The following ISM1 variants were observed in gnomAD, a reference collection of about 807,000 sequenced individuals.
ISM1 encodes the protein isthmin-1.
Under a neutral mutation model 46.3 loss-of-function variants are expected in ISM1, and 25 were observed. That is an observed-to-expected ratio of 0.54 (90% CI 0.39 to 0.75). ISM1 has a LOEUF of 0.75. ISM1 is among the 30% of genes least tolerant of loss of function. ISM1 has a pLI of 0.00. For missense variants in ISM1, 536 were observed against 625.4 expected, an observed-to-expected ratio of 0.86 and a Z score of 1.52; for synonymous variants, 255 against 256.7, an observed-to-expected ratio of 0.99 and a Z score of 0.06.
intron 1 of ISM1, among the ~76,000 whole-genome samples, chr20:13,226,658 A>C (rs939668210): frequency 5.3e-5 from 8 of 152,122 alleles, no homozygotes; most frequent in African/African-American, 1.7e-4. Flanking sequence ...CATTTGTCTG[A>C]TAGTTGGTGC....
chr20:13,253,404 G>C (rs1300348845), intron 1 of ISM1, among the ~76,000 whole-genome samples: 2 of 152,190 alleles, frequency 1.3e-5, no homozygotes, highest in Non-Finnish European at 2.9e-5. Flanking sequence ...ATTCGCTGTT[G>C]ATCTGATTGT....
At chr20:13,263,411 C>T (rs928898596) in intron 1 of ISM1, among the ~76,000 whole-genome samples, 7 of 152,100 alleles carry the variant, frequency 4.6e-5, no homozygotes. Context: ...AAGTGTGCCC[C>T]TTCTAGAAAG....
At chr20:13,265,128 G>C (rs2040028994) in intron 1 of ISM1, among the ~76,000 whole-genome samples, 1 of 152,104 alleles carries the variant, frequency 6.6e-6, no homozygotes, top group Non-Finnish European at 1.5e-5. Context: ...CCACATTTCA[G>C]CTCTGAAACC....
At chr20:13,255,324 G>A (rs929908696) in intron 1 of ISM1, among the ~76,000 whole-genome samples, 11 of 152,198 alleles carry the variant, frequency 7.2e-5, no homozygotes, top group Non-Finnish European at 4.4e-5. Flanking sequence ...ACTTGAAGAT[G>A]TTAACATGGC....
At chr20:13,278,774 A>G (rs1418319843) in intron 2 of ISM1, among the ~76,000 whole-genome samples, 1 of 152,204 alleles carries the variant, frequency 6.6e-6, no homozygotes, top group Non-Finnish European at 1.5e-5. Flanking sequence ...GATGTTGGCT[A>G]GAGTGACCCA....
At chr20:13,254,541 C>T (rs1413389467) in intron 1 of ISM1, among the ~76,000 whole-genome samples, 1 of 152,152 alleles carries the variant, frequency 6.6e-6, no homozygotes, top group Non-Finnish European at 1.5e-5. Flanking sequence ...CAGGGCTGCT[C>T]CTTGGTGCAC....
intron 1 of ISM1, among the ~76,000 whole-genome samples, chr20:13,243,368 C>T (rs1348083933): frequency 1.3e-5 from 2 of 152,166 alleles, no homozygotes; most frequent in African/African-American, 2.4e-5. Flanking sequence ...ATAGATCATC[C>T]TTTGATGCGG....
chr20:13,288,374 A>G (rs2040315889), intron 3 of ISM1, among the ~76,000 whole-genome samples, 166 bp from the exon 4 acceptor site: 1 of 152,136 alleles, frequency 6.6e-6, no homozygotes, highest in South Asian at 2.1e-4. Flanking sequence ...TGATCCCTAA[A>G]TGAGCCCTGG....
chr20:13,241,476 G>A (rs2039722230), intron 1 of ISM1, among the ~76,000 whole-genome samples: 1 of 152,132 alleles, frequency 6.6e-6, no homozygotes, highest in Non-Finnish European at 1.5e-5. Context: ...AAGGCAAGGG[G>A]CTATGTGTGA....
the ISM1 span, among the ~76,000 whole-genome samples, chr20:13,307,876 G>T: frequency 6.6e-6 from 1 of 152,220 alleles, no homozygotes; most frequent in African/African-American, 2.4e-5. Context: ...CTTTCACAAA[G>T]AGTGCTACTA....
the ISM1 span, among the ~76,000 whole-genome samples, chr20:13,307,406 A>C: frequency 6.6e-6 from 1 of 152,220 alleles, no homozygotes; most frequent in African/African-American, 2.4e-5. Context: ...ACCAAGAAAA[A>C]ACAGAATATA....
At chr20:13,228,653 A>G (rs183451456) in intron 1 of ISM1, among the ~76,000 whole-genome samples, 1 of 152,144 alleles carries the variant, frequency 6.6e-6, no homozygotes, top group African/African-American at 2.4e-5. Flanking sequence ...CCTGTTCAGC[A>G]TATGGTGGAC....
chr20:13,275,888 C>T (rs1018235609), intron 2 of ISM1, among the ~76,000 whole-genome samples: 1 of 152,202 alleles, frequency 6.6e-6, no homozygotes, highest in Non-Finnish European at 1.5e-5. Flanking sequence ...CTTGAATTCT[C>T]CAAGCCAGTT....
chr20:13,276,021 C>G (rs2040175410), intron 2 of ISM1, among the ~76,000 whole-genome samples: 1 of 152,208 alleles, frequency 6.6e-6, no homozygotes, highest in South Asian at 2.1e-4. Context: ...CTTAGAGCAT[C>G]AGCAGGTGTG....
At chr20:13,227,095 T>C (rs1236413624) in intron 1 of ISM1, among the ~76,000 whole-genome samples, 1 of 152,234 alleles carries the variant, frequency 6.6e-6, no homozygotes, top group Non-Finnish European at 1.5e-5. Context: ...CTTTTTTGTG[T>C]CATATTAATA....
intron 1 of ISM1, among the ~76,000 whole-genome samples, chr20:13,252,621 G>A (rs903946733): frequency 6.6e-6 from 1 of 152,118 alleles, no homozygotes; most frequent in East Asian, 1.9e-4. Context: ...TGGGTGTGGT[G>A]GCGTGCACCT....
In ISM1 at chr20:13,245,905, C is replaced by T. The variant is rs2039787112; in HGVS notation, c.138+23991C>T. 2.0e-5 allele frequency among the ~76,000 whole-genome samples: 3 copies of T among 152,274 alleles called. No individual in the cohort carries two copies. The South Asian group carries it at 6.2e-4, about 32-fold the overall frequency. On this transcript the variant is annotated intron_variant, in intron 1 of 5. Transcript: ENST00000262487. ...TCAGCCAAATTAGACTCTCACTATT[C>T]CTTGTACCCGCCCACTCCGATGTTC...
the ISM1 span, among the ~76,000 whole-genome samples, chr20:13,308,112 A>T: frequency 6.6e-6 from 1 of 152,124 alleles, no homozygotes; most frequent in Non-Finnish European, 1.5e-5. Context: ...CCACTCTGTG[A>T]TCTCTTAATT....
the ISM1 span, among the ~76,000 whole-genome samples, chr20:13,306,564 C>CAAAAAAAAAAAAAAAAAAAAAAGA: frequency 4.7e-5 from 3 of 63,914 alleles, no homozygotes; most frequent in African/African-American, 7.2e-5. Flanking sequence ...GGAGAAAGGA[C>CAAAAAAAAAAAAAAAAAAAAAAGA]AAAAAAAAAA....
Sources: gnomAD v4.1 joint callset for allele counts (sites outside exome capture counted in the v4.1 genomes callset) on GRCh38, gnomAD v4.1.1 for gene constraint, MANE v1.5 for transcripts, NCBI Gene and HGNC (gene_info 2026-07-23, HGNC 2026-07-21) for gene names.